FKBP14: variants seen among roughly 807,000 people sequenced by gnomAD.
The protein encoded by FKBP14 is peptidyl-prolyl cis-trans isomerase FKBP14.
A neutral mutation model predicts 21.6 loss-of-function variants in FKBP14; 20 were observed. The observed-to-expected ratio is 0.92, with a 90% CI of 0.65 to 1.34. The LOEUF (loss-of-function observed/expected upper bound fraction) is 1.34, where lower values mean the gene tolerates loss of function less well. Ranked by LOEUF, FKBP14 falls within the 40% of genes most tolerant of loss-of-function variation. The pLI, the probability that FKBP14 is intolerant of heterozygous loss-of-function variation, is 0.00. For missense variants in FKBP14, 253 were observed against 249.0 expected, an observed-to-expected ratio of 1.02 and a Z score of -0.11; for synonymous variants, 79 against 86.7, an observed-to-expected ratio of 0.91 and a Z score of 0.49.
At chr7:30,010,289 C>T (rs1789691217), downstream of FKBP14, among the ~76,000 whole-genome samples, 1 of 152,266 alleles carries the variant, frequency 6.6e-6, no homozygotes, top group South Asian at 2.1e-4. Flanking sequence ...CATCACCCTC[C>T]CTCCTCCCCC....
At chr7:30,020,352 A>G (rs928240935) in intron 2 of FKBP14, 5 of 1,033,734 alleles carry the variant, frequency 4.8e-6, no homozygotes, top group Admixed American at 2.9e-5. Context: ...GTTTCATGGC[A>G]TTCAGTTTGA....
downstream of FKBP14, among the ~76,000 whole-genome samples, chr7:30,007,183 AG>A (rs1249317676): frequency 6.6e-6 from 1 of 151,242 alleles, no homozygotes. Flanking sequence ...ATTAAAAAAA[AG>A]AATTCAGTCA....
At chr7:30,020,590 A>C (rs995046588) in intron 2 of FKBP14, among the ~76,000 whole-genome samples, 1 of 152,208 alleles carries the variant, frequency 6.6e-6, no homozygotes, top group Non-Finnish European at 1.5e-5. Context: ...AAATAGTCAT[A>C]GTAACAGATT....
chr7:30,021,344 A>AT (rs1790025992), intron 2 of FKBP14, among the ~76,000 whole-genome samples: 1 of 152,072 alleles, frequency 6.6e-6, no homozygotes, highest in African/African-American at 2.4e-5. Context: ...TTCAGATATA[A>AT]TTTTTAAACT....
downstream of FKBP14, among the ~76,000 whole-genome samples, chr7:30,007,422 A>G (rs1183403344): frequency 6.6e-6 from 1 of 151,938 alleles, no homozygotes; most frequent in Non-Finnish European, 1.5e-5. Context: ...GTTGACCAGG[A>G]TGGTCTCGAT....
chr7:30,010,445 G>A (rs942040459), downstream of FKBP14: 1 of 152,152 alleles, frequency 6.6e-6, no homozygotes, highest in South Asian at 2.1e-4. Context: ...CAGATAATCA[G>A]AGGCACAAAG....
downstream of FKBP14, among the ~76,000 whole-genome samples, chr7:30,006,633 G>C (rs369973509): frequency 1.3e-5 from 2 of 152,082 alleles, no homozygotes; most frequent in African/African-American, 4.8e-5. Context: ...TCATACAGTC[G>C]TACAGCGTAC....
chr7:30,016,654 A>G (rs1285668511), intron 3 of FKBP14, among the ~76,000 whole-genome samples: 5 of 152,108 alleles, frequency 3.3e-5, no homozygotes, highest in African/African-American at 9.7e-5. Context: ...TTGGCCTCCC[A>G]AAGTGCTGGG....
Position 30,012,374 on chromosome 7 carries a change from T to C in FKBP14, c.*2361A>G, listed in dbSNP as rs1328204494. 3 of 152,250 alleles carry C rather than the reference T, an allele frequency of 2.0e-5. No individual in the cohort carries two copies. Among genetic ancestry groups the C allele is most frequent in the African/African-American group, 7.2e-5 (3 of 41,462 alleles). The allele number at this position is 152,250 out of a possible 1,614,324, so 9.4% of individuals were successfully genotyped here. ...TCTTTTTACTTTTCTTGCCCTACTA[T>C]AGATAGCATCAGTAATGTTTATACA... On this transcript the variant is annotated 3_prime_UTR_variant, in exon 4 of 4. Transcript: ENST00000222803.
In FKBP14 at chr7:30,015,430, T is replaced by C. The variant is rs560144810; in HGVS notation, c.478-537A>G. On this transcript the variant is annotated intron_variant, in intron 3 of 3. Coordinates refer to ENST00000222803, the MANE Select transcript of FKBP14 (RefSeq NM_017946.4). Reference sequence around the variant, plus strand: ...GAGACTCTGTCAAAAAAATAAAAAATTAAAAAATTAAAAATATATATATAT... The same window carrying C: ...GAGACTCTGTCAAAAAAATAAAAAACTAAAAAATTAAAAATATATATATAT... Among the ~76,000 whole-genome samples, 257 of 147,140 alleles carry C rather than the reference T, an allele frequency of 1.7e-3. 1 individual carries two copies. Among genetic ancestry groups the C allele is most frequent in the African/African-American group, 6.1e-3 (244 of 39,814 alleles).
intron 1 of FKBP14, among the ~76,000 whole-genome samples, chr7:30,024,277 C>T (rs1413177894): frequency 6.6e-6 from 1 of 152,152 alleles, no homozygotes; most frequent in African/African-American, 2.4e-5. Flanking sequence ...AAAAAAGAAG[C>T]AGGAAACATT....
At chr7:30,025,500 TGAA>T (rs1170382927) in intron 1 of FKBP14, 1 of 152,204 alleles carries the variant, frequency 6.6e-6, no homozygotes, top group East Asian at 1.9e-4. Context: ...AATGAATAGA[TGAA>T]GATGATTAGA....
At chr7:30,021,599 A>G (rs955548357) in intron 2 of FKBP14, among the ~76,000 whole-genome samples, 2 of 150,484 alleles carry the variant, frequency 1.3e-5, no homozygotes, top group African/African-American at 2.5e-5. Context: ...TCTGTCCCCC[A>G]GGCTGGAGTA....
chr7:30,023,350 T>C (rs1288899654), intron 1 of FKBP14, among the ~76,000 whole-genome samples: 1 of 152,156 alleles, frequency 6.6e-6, no homozygotes, highest in Non-Finnish European at 1.5e-5. Flanking sequence ...TAAGGAGAAT[T>C]TACTGCCAAC....
chr7:30,008,047 TCAA>T (rs1269017882), downstream of FKBP14, among the ~76,000 whole-genome samples: 1 of 152,146 alleles, frequency 6.6e-6, no homozygotes, highest in Non-Finnish European at 1.5e-5. Context: ...GGACTCTGTC[TCAA>T]CAACAACAAA....
chr7:30,022,638 G>GT, intron 2 of FKBP14, 27 bp downstream of exon 2: 1 of 1,600,694 alleles, frequency 6.2e-7, no homozygotes, highest in South Asian at 1.1e-5. Context: ...TAGTGCTATA[G>GT]TAAGAAAAAT....
chr7:30,007,763 C>T (rs552342647), downstream of FKBP14, among the ~76,000 whole-genome samples: 244 of 152,214 alleles, frequency 1.6e-3, no homozygotes, highest in African/African-American at 5.6e-3. Context: ...AAAATGCAGA[C>T]TCAGGCCCAG....
intron 2 of FKBP14, among the ~76,000 whole-genome samples, chr7:30,021,197 TCA>T (rs1344934533): frequency 5.3e-5 from 8 of 152,322 alleles, no homozygotes; most frequent in Admixed American, 5.2e-4. Flanking sequence ...ATTCCCAGTA[TCA>T]CAGTCCATTT....
Position 30,011,937 on chromosome 7 carries a change from A to T in FKBP14, c.*2798T>A, listed in dbSNP as rs1016502102. The T allele has an allele frequency of 6.6e-6, 1 of 152,188 alleles. No individual in the cohort carries two copies. Among genetic ancestry groups the T allele is most frequent in the Admixed American group, 6.6e-5 (1 of 15,266 alleles). The allele number at this position is 152,188 out of a possible 1,614,324, so 9.4% of individuals were successfully genotyped here. A position where few individuals can be genotyped will look rare whatever the true frequency, so the allele number is the denominator to read the frequency against. On this transcript the variant is annotated 3_prime_UTR_variant, in exon 4 of 4. Coordinates refer to ENST00000222803, the MANE Select transcript of FKBP14 (RefSeq NM_017946.4). ...TGTGTTTAGATGTTTGAATAAACAG[A>T]CACTTGCCATTGTGTTACAATTGCC...
Sources: allele counts gnomAD v4.1 joint callset (sites outside exome capture counted in the v4.1 genomes callset), GRCh38; gene constraint gnomAD v4.1.1; transcripts MANE v1.5; gene names NCBI Gene and HGNC (gene_info 2026-07-23, HGNC 2026-07-21).